The following MSMB variants were observed in gnomAD, a reference collection of about 807,000 sequenced individuals.
The protein encoded by MSMB is microseminoprotein beta.
A neutral mutation model predicts 10.5 loss-of-function variants in MSMB; 10 were observed. The ratio of observed to expected loss-of-function variants is 0.95; its 90% CI spans 0.59 to 1.62. The LOEUF (loss-of-function observed/expected upper bound fraction) is 1.62. Among genes scored for constraint, MSMB ranks in the 40% most tolerant of loss-of-function variants. The probability of loss-of-function intolerance (pLI) is 0.00; values close to 1 mark genes in which losing one functional copy is unlikely to be tolerated. For missense variants in MSMB, 126 were observed against 137.4 expected (o/e 0.92, Z 0.42); for synonymous variants, 43 against 46.5 (o/e 0.93, Z 0.30).
At chr10:46,044,603 A>G (rs901466916) in intron 1 of MSMB, among the ~76,000 whole-genome samples, 17 of 141,018 alleles carry the variant, frequency 1.2e-4, no homozygotes, top group African/African-American at 4.6e-4. Context: ...AAAAAAAAAA[A>G]GTTGTATCTC....
intron 1 of MSMB, among the ~76,000 whole-genome samples, chr10:46,043,543 A>T (rs1840800589): frequency 1.3e-5 from 2 of 151,962 alleles, no homozygotes; most frequent in South Asian, 4.2e-4. Flanking sequence ...TAGGAAACAC[A>T]ATCTAGGAGC....
intron 3 of MSMB, among the ~76,000 whole-genome samples, chr10:46,037,604 T>C (rs1362519189): frequency 1.3e-5 from 2 of 152,144 alleles, no homozygotes; most frequent in Non-Finnish European, 1.5e-5. Flanking sequence ...ACTTGAGCAG[T>C]GAAGCAGCAT....
intron 1 of MSMB, among the ~76,000 whole-genome samples, chr10:46,042,721 GAA>G (rs1840780923): frequency 3.3e-5 from 5 of 152,198 alleles, no homozygotes; most frequent in African/African-American, 7.2e-5. Flanking sequence ...CAGCAAGGTA[GAA>G]GGTGAAGTCA....
intron 3 of MSMB, among the ~76,000 whole-genome samples, chr10:46,035,079 C>A (rs879960731): frequency 2.0e-5 from 3 of 152,108 alleles, no homozygotes; most frequent in Non-Finnish European, 4.4e-5. Flanking sequence ...TTCTCTTATG[C>A]TTCCCAATGA....
At chr10:46,036,723 G>A (rs987907073) in intron 3 of MSMB, among the ~76,000 whole-genome samples, 3 of 152,170 alleles carry the variant, frequency 2.0e-5, no homozygotes, top group Non-Finnish European at 4.4e-5. Context: ...ACTGCAAGGA[G>A]CAGCCTGGCT....
chr10:46,046,189 T>C (rs1554929413), intron 1 of MSMB, 46 bp downstream of exon 1: 1 of 1,581,274 alleles, frequency 6.3e-7, no homozygotes, highest in Admixed American at 1.7e-5. Context: ...GGAATACATA[T>C]TCTCTTTTGC....
intron 3 of MSMB, among the ~76,000 whole-genome samples, chr10:46,034,929 A>G (rs1299381256): frequency 3.0e-4 from 45 of 152,072 alleles, no homozygotes. Flanking sequence ...GCTTGATCCC[A>G]GGAGTTTGAG....
chr10:46,040,153 A>G (rs186692760), intron 1 of MSMB, 62 bp from the exon 2 acceptor site: 1 of 1,421,576 alleles, frequency 7.0e-7, no homozygotes, highest in East Asian at 2.3e-5. Context: ...TCCTTGACTG[A>G]GTGCTGTGTA....
At chr10:46,038,797 CT>C (rs1840674204) in intron 3 of MSMB, among the ~76,000 whole-genome samples, 168 bp downstream of exon 3, 1 of 152,156 alleles carries the variant, frequency 6.6e-6, no homozygotes, top group Admixed American at 6.5e-5. Context: ...TGGGAAATTT[CT>C]GTACCTCTGC....
At chr10:46,045,796 G>A (rs1018344092) in intron 1 of MSMB, among the ~76,000 whole-genome samples, 3 of 152,122 alleles carry the variant, frequency 2.0e-5, no homozygotes, top group African/African-American at 7.2e-5. Context: ...CAGGGAGAGA[G>A]GAATGCCTGG....
chr10:46,041,949 G>T lies in MSMB; in HGVS notation c.4-1858C>A, dbSNP rs117680673. ...AAACATGTTCTTTGAGATCTGTGGAGAGCGATTATTCAATAAATGCTATTA... is the reference window on the plus strand; with the variant it reads ...AAACATGTTCTTTGAGATCTGTGGATAGCGATTATTCAATAAATGCTATTA... On this transcript the variant is annotated intron_variant, in intron 1 of 3. Coordinates refer to ENST00000582163, the MANE Select transcript of MSMB (RefSeq NM_002443.4). Among the ~76,000 whole-genome samples the T allele has an allele frequency of 3.1e-3, 477 of 152,166 alleles. 3 individuals are homozygous for T. Among genetic ancestry groups the T allele is most frequent in the East Asian group, 0.019 (96 of 5,178 alleles).
At chr10:46,040,718 G>A (rs1425379966) in intron 1 of MSMB, among the ~76,000 whole-genome samples, 2 of 152,206 alleles carry the variant, frequency 1.3e-5, no homozygotes, top group African/African-American at 4.8e-5. Context: ...ACTCTGGGAG[G>A]CCAAGGCGGG....
At chr10:46,040,683 G>A (rs189519113) in intron 1 of MSMB, among the ~76,000 whole-genome samples, 4 of 152,090 alleles carry the variant, frequency 2.6e-5, no homozygotes, top group East Asian at 3.9e-4. Context: ...TGCCAGGCAC[G>A]GTGGCTCACG....
chr10:46,039,155 TC>T (rs1433286013), intron 2 of MSMB, 84 bp from the exon 3 acceptor site: 1 of 1,120,938 alleles, frequency 8.9e-7, no homozygotes, highest in African/African-American at 1.6e-5. Context: ...GCCCCTACTA[TC>T]TACACCCCTC....
chr10:46,034,023 C>T (rs17178655), intron 3 of MSMB, among the ~76,000 whole-genome samples: 31,659 of 152,134 alleles, frequency 0.21, 3,335 homozygotes, highest in East Asian at 0.28. Flanking sequence ...CAGAGACCAC[C>T]TCTAATTGAG....
chr10:46,038,159 G>A (rs1490346918), intron 3 of MSMB, among the ~76,000 whole-genome samples: 1 of 152,204 alleles, frequency 6.6e-6, no homozygotes, highest in African/African-American at 2.4e-5. Flanking sequence ...TAGAGCTTCA[G>A]TTTTGCAGGA....
chr10:46,044,086 A>T (rs1554929041), intron 1 of MSMB, among the ~76,000 whole-genome samples: 2 of 152,154 alleles, frequency 1.3e-5, no homozygotes, highest in Non-Finnish European at 2.9e-5. Context: ...CTGAGTAGAG[A>T]GGCTCTAAAG....
chr10:46,033,383 G>C lies in MSMB; in HGVS notation c.*39C>G, dbSNP rs782582224. ...TGACTATTAGAGGCCAGAGGAGAAT[G>C]AGGCCTGGCCTGGGAGCCCTGTGCC... On this transcript the variant is annotated 3_prime_UTR_variant, in exon 4 of 4. Coordinates refer to ENST00000582163, the MANE Select transcript of MSMB (RefSeq NM_002443.4). 1 of 1,608,560 alleles carries C rather than the reference G, an allele frequency of 6.2e-7. No individual in the cohort carries two copies. The highest frequency in any genetic ancestry group is 8.5e-7 in the Non-Finnish European group (1 of 1,176,692).
rs782455187 is a variant in MSMB at position 46,039,003 on chromosome 10, A to G, written c.178T>C (p.Cys60Arg). ...SEWQTDNCET[C>R]TCYETEISCC... ...GAAATTTCTGTTTCGTAGCAAGTGC[A>G]TGTCTCACAGTTGTCAGTCTGCCAC... The change falls in exon 3 of 4, where the codon TGC becomes CGC. Residue 60 changes from cysteine to arginine, a missense_variant. Transcript: ENST00000582163. 8.1e-6 allele frequency: 13 copies of G among 1,613,986 alleles called. No individual in the cohort carries two copies. Among genetic ancestry groups the G allele is most frequent in the Non-Finnish European group, 1.1e-5 (13 of 1,180,000 alleles).
Sources: gnomAD v4.1 joint callset for allele counts (sites outside exome capture counted in the v4.1 genomes callset) on GRCh38, gnomAD v4.1.1 for gene constraint, MANE v1.5 for transcripts, NCBI Gene and HGNC (gene_info 2026-07-23, HGNC 2026-07-21) for gene names.